Variants in DIAPH2 observed in about 807,000 individuals in gnomAD.
The protein encoded by DIAPH2 is diaphanous related formin 2, also known as protein diaphanous homolog 2.
In DIAPH2, 35 loss-of-function variants were observed where a neutral mutation model predicts 92.7. The observed-to-expected ratio is 0.38, with a 90% confidence interval of 0.29 to 0.50. The LOEUF is 0.50. Ranked by LOEUF, DIAPH2 falls within the 20% of genes least tolerant of loss-of-function variation. The probability of loss-of-function intolerance (pLI) is 0.94; values close to 1 mark genes in which losing one functional copy is unlikely to be tolerated. For missense variants in DIAPH2, 701 were observed against 819.5 expected (o/e 0.86, Z 1.77); for synonymous variants, 301 against 280.4 (o/e 1.07, Z -0.73).
intron 4 of DIAPH2, among the ~76,000 whole-genome samples, chrX:96,825,664 T>C (rs1015819427): frequency 1.8e-5 from 2 of 111,953 alleles, no homozygotes; most frequent in Non-Finnish European, 3.8e-5. Context: ...TTTACACTTA[T>C]TATATCTAAT....
chrX:96,750,051 G>GTTTTTTTTTT (rs753887199), intron 3 of DIAPH2, among the ~76,000 whole-genome samples: 1 of 71,042 alleles, frequency 1.4e-5, no homozygotes. Context: ...TATATTTCAA[G>GTTTTTTTTTT]TTTTTTTTTT....
At chrX:96,980,022 A>G (rs1378821889) in intron 17 of DIAPH2, among the ~76,000 whole-genome samples, 2 of 110,819 alleles carry the variant, frequency 1.8e-5, no homozygotes, top group Non-Finnish European at 3.8e-5. Flanking sequence ...CAGCATCTAG[A>G]GGGGAGTACC....
At chrX:97,415,466 A>G (rs1031564140) in intron 25 of DIAPH2, among the ~76,000 whole-genome samples, 1 of 111,985 alleles carries the variant, frequency 8.9e-6, no homozygotes, top group African/African-American at 3.3e-5. Context: ...ATGTCCATCA[A>G]CGATAGACTG....
chrX:97,414,542 T>C (rs531025821), intron 25 of DIAPH2, among the ~76,000 whole-genome samples: 352 of 107,123 alleles, frequency 3.3e-3, no homozygotes, highest in African/African-American at 0.011. Context: ...CCCAGCTACT[T>C]GGGAGGCTGA....
At chrX:97,369,058 C>A (rs1453005317) in intron 24 of DIAPH2, among the ~76,000 whole-genome samples, 1 of 110,023 alleles carries the variant, frequency 9.1e-6, no homozygotes, top group African/African-American at 3.3e-5. Context: ...CAGGCATGCA[C>A]AACCACGCCT....
intron 24 of DIAPH2, among the ~76,000 whole-genome samples, chrX:97,365,670 T>C (rs1955074935): frequency 9.0e-6 from 1 of 110,513 alleles, no homozygotes; most frequent in Non-Finnish European, 1.9e-5. Context: ...ATATTTTTCT[T>C]TTTCTTTCTT....
intron 21 of DIAPH2, among the ~76,000 whole-genome samples, chrX:97,136,793 C>T (rs2067173062): frequency 9.1e-6 from 1 of 110,490 alleles, no homozygotes. Context: ...TTCCCTTTCC[C>T]TCATCTTAAT....
At chrX:96,853,186 G>A (rs2065016131) in intron 4 of DIAPH2, among the ~76,000 whole-genome samples, 1 of 111,259 alleles carries the variant, frequency 9.0e-6, no homozygotes, top group Admixed American at 9.6e-5. Flanking sequence ...AGAGAGATGG[G>A]GACGGGAGAT....
At chrX:97,039,594 G>C (rs2066434685) in intron 17 of DIAPH2, among the ~76,000 whole-genome samples, 1 of 111,286 alleles carries the variant, frequency 9.0e-6, no homozygotes, top group South Asian at 3.8e-4. Flanking sequence ...AGCTGGATTT[G>C]TTATTTTCCT....
At position 97,332,320 on chromosome X, in the gene DIAPH2, A is replaced by G. The variant is rs777021628; in HGVS notation, c.2845-15796A>G. 3.6e-5 allele frequency among the ~76,000 whole-genome samples: 4 copies of G among 111,926 alleles called. No individual in the cohort carries two copies. The South Asian group carries it at 1.5e-3, about 41-fold the overall frequency. On this transcript the variant is annotated intron_variant, in intron 23 of 26. Coordinates refer to ENST00000324765, the MANE Select transcript of DIAPH2 (RefSeq NM_006729.5). ...ATTCCACAGATCATCTTGTATATAT[A>G]TAAAAAGGGCTAAATCTCTTGCCTC...
chrX:97,457,590 C>T (rs778844880), intron 26 of DIAPH2, among the ~76,000 whole-genome samples: 3 of 111,511 alleles, frequency 2.7e-5, no homozygotes, highest in African/African-American at 6.5e-5. Flanking sequence ...GATATTGGAC[C>T]GGGCTATGGT....
intron 1 of DIAPH2, among the ~76,000 whole-genome samples, chrX:96,729,378 A>C (rs1450337381): frequency 8.9e-6 from 1 of 112,127 alleles, no homozygotes; most frequent in Non-Finnish European, 1.9e-5. Flanking sequence ...TTCAGGCACT[A>C]AGTGACTTCC....
chrX:96,845,598 A>T (rs2064965900), intron 4 of DIAPH2, among the ~76,000 whole-genome samples: 1 of 112,128 alleles, frequency 8.9e-6, no homozygotes, highest in Non-Finnish European at 1.9e-5. Flanking sequence ...CTATGTAGGG[A>T]AGCAGGAAAC....
chrX:97,115,291 T>C (rs1266304214), intron 21 of DIAPH2, among the ~76,000 whole-genome samples: 1 of 111,199 alleles, frequency 9.0e-6, no homozygotes, highest in Admixed American at 9.6e-5. Flanking sequence ...ATCCCAGCAC[T>C]TTGAGAGGCT....
At chrX:96,837,625 A>T (rs1388999743) in intron 4 of DIAPH2, among the ~76,000 whole-genome samples, 1 of 111,503 alleles carries the variant, frequency 9.0e-6, no homozygotes, top group Non-Finnish European at 1.9e-5. Context: ...TAGAATTGGT[A>T]GATATTTAAA....
chrX:97,318,022 A>C lies in DIAPH2; in HGVS notation c.2845-30094A>C, dbSNP rs759148042. Among the ~76,000 whole-genome samples the C allele has an allele frequency of 1.3e-4, 15 of 111,923 alleles. No individual in the cohort carries two copies. The South Asian group carries it at 1.5e-3, about 11-fold the overall frequency. Reference sequence around the variant, plus strand: ...TTAAACATAGTTACCCTACTGTGCAATAGAACACCAAAATTTATTCTTACT... The same window carrying C: ...TTAAACATAGTTACCCTACTGTGCACTAGAACACCAAAATTTATTCTTACT... On this transcript the variant is annotated intron_variant, in intron 23 of 26. Transcript: ENST00000324765.
At chrX:97,431,373 A>G (rs767052332) in intron 26 of DIAPH2, 1 of 112,408 alleles carries the variant, frequency 8.9e-6, no homozygotes, top group South Asian at 3.7e-4. Context: ...TAATTTTTCT[A>G]GGCTGTTTAT....
At chrX:97,075,317 C>T (rs2066697997) in intron 19 of DIAPH2, 56 bp downstream of exon 19, 3 of 743,947 alleles carry the variant, frequency 4.0e-6, no homozygotes, top group Admixed American at 6.1e-5. Context: ...TTGGACTATT[C>T]TCTTCTCAAT....
At chrX:97,599,218 C>T (rs775559156) in intron 26 of DIAPH2, 35 bp from the exon 27 acceptor site, 51 of 1,091,443 alleles carry the variant, frequency 4.7e-5, no homozygotes, top group Non-Finnish European at 6.2e-5. Context: ...CTAAAACTTA[C>T]CATGCTTTTG....
Sources: gnomAD v4.1 joint callset for allele counts (sites outside exome capture counted in the v4.1 genomes callset) on GRCh38, gnomAD v4.1.1 for gene constraint, MANE v1.5 for transcripts, NCBI Gene and HGNC (gene_info 2026-07-23, HGNC 2026-07-21) for gene names.